Variants in DOCK9 observed in about 807,000 individuals in gnomAD.
DOCK9 encodes the protein dedicator of cytokinesis protein 9.
In DOCK9, 89 loss-of-function variants were observed where a neutral mutation model predicts 263.3. The ratio of observed to expected loss-of-function variants is 0.34; its 90% confidence interval spans 0.28 to 0.40. The LOEUF is 0.40. DOCK9 is among the 10% of genes least tolerant of loss of function. DOCK9 has a pLI of 1.00. For missense variants in DOCK9, 2,140 were observed against 2,603.4 expected (o/e 0.82, Z 3.87); for synonymous variants, 976 against 973.1 (o/e 1.00, Z -0.06).
intron 32 of DOCK9, among the ~76,000 whole-genome samples, chr13:98,862,174 C>T (rs1445510476): frequency 2.0e-5 from 3 of 152,156 alleles, no homozygotes; most frequent in Non-Finnish European, 4.4e-5. Flanking sequence ...AGTGACTGAC[C>T]CCATCTTAGC....
At chr13:98,922,213 G>T in intron 5 of DOCK9, 67 bp from the exon 6 acceptor site, 1 of 1,227,746 alleles carries the variant, frequency 8.1e-7, no homozygotes, top group South Asian at 1.3e-5. Context: ...CTGTGAGTTT[G>T]GTCAATGGGA....
intron 1 of DOCK9, among the ~76,000 whole-genome samples, chr13:98,962,611 A>C (rs11619372): frequency 0.34 from 50,776 of 151,406 alleles, 8,580 homozygotes; most frequent in Middle Eastern, 0.5. Context: ...TCATATTATT[A>C]AATATGTTGC....
chr13:98,870,817 G>A (rs539461165), intron 27 of DOCK9, among the ~76,000 whole-genome samples: 3 of 151,998 alleles, frequency 2.0e-5, no homozygotes, highest in East Asian at 1.9e-4. Flanking sequence ...TATGTAACAC[G>A]GTGAGGCTAC....
rs71114578 is a variant in DOCK9 at position 99,071,306 on chromosome 13, C to CTTTTTTTT, written c.129+14909_129+14916dup. Among the ~76,000 whole-genome samples the CTTTTTTTT allele has an allele frequency of 1.7e-3, 82 of 49,330 alleles. 11 individuals carry two copies. The highest frequency in any genetic ancestry group is 7.8e-3 in the African/African-American group (72 of 9,182). 32.4% of individuals were successfully genotyped at this position (49,330 alleles called of 152,430 possible). A position where few individuals can be genotyped will look rare whatever the true frequency, so the allele number is the denominator to read the frequency against. On this transcript the variant is annotated intron_variant, in intron 1 of 32. Coordinates refer to the DOCK9 transcript ENST00000427887. Reference sequence around the variant, plus strand: ...TACAGGTGCTTGCCACCATGCCTGGCTTTTTTTTTTTTTTTTTTTTTTTTT... The same window carrying CTTTTTTTT: ...TACAGGTGCTTGCCACCATGCCTGGCTTTTTTTTTTTTTTTTTTTTTTTTTTTTTTTTT...
At position 98,985,390 on chromosome 13, in the gene DOCK9, G is replaced by C. The variant is rs368443454; in HGVS notation, c.130-29839C>G. 1.6e-3 allele frequency among the ~76,000 whole-genome samples: 240 copies of C among 147,256 alleles called. 9 individuals carry two copies. In the South Asian group the frequency reaches 0.048, roughly 29 times the overall value. ...ATTCTACTTTTCTTATTTAATGTCTGTCTAACCTTCCCTACCCGCAGGTAG... is the reference window on the plus strand; with the variant it reads ...ATTCTACTTTTCTTATTTAATGTCTCTCTAACCTTCCCTACCCGCAGGTAG... On this transcript the variant is annotated intron_variant, in intron 1 of 32. Transcript: ENST00000427887.
chr13:99,018,736 C>T (rs1256436608), intron 1 of DOCK9, among the ~76,000 whole-genome samples: 1 of 152,138 alleles, frequency 6.6e-6, no homozygotes. Context: ...TTGAAAATTA[C>T]CATGAATTTC....
chr13:98,967,679 A>T (rs1254220049), intron 1 of DOCK9, among the ~76,000 whole-genome samples: 1 of 152,194 alleles, frequency 6.6e-6, no homozygotes, highest in East Asian at 1.9e-4. Flanking sequence ...GGAGGAGGGA[A>T]TTCTCCCCAC....
intron 1 of DOCK9, among the ~76,000 whole-genome samples, chr13:99,058,475 A>G (rs532357619): frequency 6.6e-6 from 1 of 152,088 alleles, no homozygotes; most frequent in Non-Finnish European, 1.5e-5. Flanking sequence ...AGTACTTGAT[A>G]TCTTGATACA....
chr13:98,951,903 C>CTTTTTTTTTT (rs71114563), intron 2 of DOCK9, among the ~76,000 whole-genome samples: 11 of 134,912 alleles, frequency 8.2e-5, no homozygotes, highest in South Asian at 4.9e-4. Context: ...TTAATATTCC[C>CTTTTTTTTTT]TTTTTTTTTT....
At chr13:98,975,851 G>A (rs1454365228) in intron 1 of DOCK9, among the ~76,000 whole-genome samples, 1 of 152,186 alleles carries the variant, frequency 6.6e-6, no homozygotes, top group African/African-American at 2.4e-5. Flanking sequence ...TACCAAGCCC[G>A]TGGGCCACTG....
At chr13:99,018,955 A>C (rs1403043912) in intron 1 of DOCK9, among the ~76,000 whole-genome samples, 3 of 151,998 alleles carry the variant, frequency 2.0e-5, no homozygotes. Context: ...CTGACACCTG[A>C]CTCTCCTACC....
At chr13:98,940,635 T>C (rs1196250782) in intron 2 of DOCK9, among the ~76,000 whole-genome samples, 1 of 152,182 alleles carries the variant, frequency 6.6e-6, no homozygotes, top group Non-Finnish European at 1.5e-5. Flanking sequence ...TCACCTAACA[T>C]AGATTCTATA....
intron 15 of DOCK9, among the ~76,000 whole-genome samples, chr13:98,889,149 T>C (rs1373864829): frequency 6.6e-6 from 1 of 152,184 alleles, no homozygotes; most frequent in African/African-American, 2.4e-5. Flanking sequence ...CCATAAATAT[T>C]TGGCTCATTT....
chr13:98,932,264 G>A (rs556416194), intron 2 of DOCK9, among the ~76,000 whole-genome samples: 45 of 152,080 alleles, frequency 3.0e-4, no homozygotes, highest in Non-Finnish European at 5.0e-4. Flanking sequence ...GTGTGATGGC[G>A]CATGCCTATA....
chr13:98,915,295 G>A (rs1257833192), intron 8 of DOCK9, 34 bp downstream of exon 8: 1 of 1,602,820 alleles, frequency 6.2e-7, no homozygotes, highest in Admixed American at 1.7e-5. Flanking sequence ...CCCACAGAGT[G>A]TGTATGTGCC....
At chr13:99,041,203 G>T (rs889515775) in intron 1 of DOCK9, among the ~76,000 whole-genome samples, 1 of 152,074 alleles carries the variant, frequency 6.6e-6, no homozygotes, top group East Asian at 1.9e-4. Flanking sequence ...TGTTCTACTG[G>T]CCAAGCACAG....
At chr13:99,086,160 CG>C in intron 1 of DOCK9, 2 of 1,418,754 alleles carry the variant, frequency 1.4e-6, no homozygotes, top group East Asian at 6.1e-5. Context: ...GCGCCCGGCC[CG>C]GGGCCCGCAG....
intron 1 of DOCK9, among the ~76,000 whole-genome samples, chr13:98,996,388 T>G (rs765004844): frequency 3.9e-5 from 6 of 152,224 alleles, no homozygotes; most frequent in African/African-American, 1.4e-4. Context: ...ACTAGCTGAC[T>G]TATGTTATAC....
chr13:98,933,467 A>G (rs1671350108), intron 2 of DOCK9, among the ~76,000 whole-genome samples: 1 of 152,060 alleles, frequency 6.6e-6, no homozygotes, highest in African/African-American at 2.4e-5. Flanking sequence ...CCTGAGTTTT[A>G]ACAGATAAGA....
Sources: allele counts gnomAD v4.1 joint callset (sites outside exome capture counted in the v4.1 genomes callset), GRCh38; gene constraint gnomAD v4.1.1; transcripts MANE v1.5; gene names NCBI Gene and HGNC (gene_info 2026-07-23, HGNC 2026-07-21).